CACNA2D3: variants seen among roughly 807,000 people sequenced by gnomAD.
CACNA2D3 encodes the protein voltage-dependent calcium channel subunit alpha-2/delta-3.
Under a neutral mutation model 160.6 loss-of-function variants are expected in CACNA2D3, and 60 were observed. The ratio of observed to expected loss-of-function variants is 0.37; its 90% CI spans 0.30 to 0.46. CACNA2D3 has a LOEUF of 0.46. Ranked by LOEUF, CACNA2D3 falls within the 20% of genes least tolerant of loss-of-function variation. CACNA2D3 has a pLI of 1.00. For missense variants in CACNA2D3, 1,205 were observed against 1,365.0 expected, an observed-to-expected ratio of 0.88 and a Z score of 1.85; for synonymous variants, 558 against 492.9, an observed-to-expected ratio of 1.13 and a Z score of -1.75.
At chr3:55,004,655 G>C in intron 31 of CACNA2D3, 108 bp from the exon 32 acceptor site, 1 of 715,158 alleles carries the variant, frequency 1.4e-6, no homozygotes, top group Non-Finnish European at 2.5e-6. Context: ...CATGGTGTTT[G>C]TCACCGTTGC....
intron 11 of CACNA2D3, among the ~76,000 whole-genome samples, chr3:54,744,338 G>T: frequency 6.6e-6 from 1 of 152,196 alleles, no homozygotes. Context: ...TAAGACAAGG[G>T]TTCTTAACCT....
chr3:54,491,416 A>T (rs11708855), intron 4 of CACNA2D3, among the ~76,000 whole-genome samples: 73,548 of 152,152 alleles, frequency 0.48, 18,448 homozygotes, highest in Non-Finnish European at 0.55. Flanking sequence ...AGCAGAAGCC[A>T]CCCTTGAAAA....
At chr3:54,242,386 C>A (rs567718842) in intron 2 of CACNA2D3, among the ~76,000 whole-genome samples, 1 of 152,038 alleles carries the variant, frequency 6.6e-6, no homozygotes, top group African/African-American at 2.4e-5. Context: ...GAGGTTGCGG[C>A]GAGCTGAGAT....
intron 13 of CACNA2D3, among the ~76,000 whole-genome samples, chr3:54,772,958 G>A (rs1160441956): frequency 2.0e-5 from 3 of 152,178 alleles, no homozygotes; most frequent in Admixed American, 6.5e-5. Context: ...ACAGTGACAC[G>A]CAGAAGGGAA....
chr3:54,135,243 C>T, intron 2 of CACNA2D3, among the ~76,000 whole-genome samples: 1 of 152,118 alleles, frequency 6.6e-6, no homozygotes, highest in East Asian at 1.9e-4. Flanking sequence ...GCTTTGAAGG[C>T]TACTGGGAGC....
intron 2 of CACNA2D3, among the ~76,000 whole-genome samples, chr3:54,271,992 C>T (rs1306336085): frequency 2.0e-5 from 3 of 152,168 alleles, no homozygotes; most frequent in Non-Finnish European, 4.4e-5. Context: ...GATCAGGGAG[C>T]GAGCTGTTTT....
chr3:54,417,390 A>G (rs1016587296), intron 4 of CACNA2D3, among the ~76,000 whole-genome samples: 3 of 152,184 alleles, frequency 2.0e-5, no homozygotes, highest in African/African-American at 4.8e-5. Context: ...TGTTTTACTA[A>G]TCAACTGTGT....
At chr3:54,793,458 G>A (rs981314825) in intron 13 of CACNA2D3, among the ~76,000 whole-genome samples, 4 of 152,244 alleles carry the variant, frequency 2.6e-5, no homozygotes, top group African/African-American at 9.6e-5. Context: ...GGATATATCT[G>A]TGCGAGAGGT....
intron 5 of CACNA2D3, among the ~76,000 whole-genome samples, chr3:54,541,887 T>C (rs990959599): frequency 6.6e-6 from 1 of 151,820 alleles, no homozygotes; most frequent in African/African-American, 2.4e-5. Context: ...TGGTTTTGAT[T>C]CTTGGCTGTG....
intron 11 of CACNA2D3, among the ~76,000 whole-genome samples, chr3:54,726,333 T>G (rs545975423): frequency 5.0e-4 from 76 of 152,350 alleles, no homozygotes; most frequent in Non-Finnish European, 1.0e-3. Context: ...ATGGCCATGC[T>G]GCCCAAAGTA....
intron 27 of CACNA2D3, chr3:54,918,813 C>T (rs1352818069): frequency 1.2e-6 from 2 of 1,613,024 alleles, no homozygotes; most frequent in Non-Finnish European, 1.7e-6. Context: ...AGGGCTGGTA[C>T]AGCTCATGAG....
At chr3:54,776,058 G>A (rs1249264895) in intron 13 of CACNA2D3, among the ~76,000 whole-genome samples, 1 of 152,134 alleles carries the variant, frequency 6.6e-6, no homozygotes, top group African/African-American at 2.4e-5. Context: ...AAATCAGTGT[G>A]TGTTGTGTAT....
chr3:54,515,786 C>T (rs1701540493), intron 5 of CACNA2D3, among the ~76,000 whole-genome samples: 1 of 152,166 alleles, frequency 6.6e-6, no homozygotes, highest in Admixed American at 6.5e-5. Context: ...ACATTCTGCA[C>T]TTGGGAAAAA....
intron 13 of CACNA2D3, among the ~76,000 whole-genome samples, chr3:54,808,616 G>GAA (rs1393085159): frequency 1.3e-3 from 192 of 152,254 alleles, no homozygotes; most frequent in African/African-American, 4.5e-3. Context: ...CATGGGGCTT[G>GAA]GCCTCTTACC....
intron 5 of CACNA2D3, among the ~76,000 whole-genome samples, chr3:54,529,859 G>A (rs1701780678): frequency 6.6e-6 from 1 of 152,074 alleles, no homozygotes; most frequent in Non-Finnish European, 1.5e-5. Context: ...TTCACAAGCG[G>A]CCATCAGGAA....
intron 35 of CACNA2D3, among the ~76,000 whole-genome samples, chr3:55,054,252 T>C (rs1704308576): frequency 6.6e-6 from 1 of 151,916 alleles, no homozygotes; most frequent in South Asian, 2.1e-4. Flanking sequence ...TTTACTCAAC[T>C]CTGGGATTCT....
At chr3:54,907,483 T>C (rs1270489504) in intron 27 of CACNA2D3, among the ~76,000 whole-genome samples, 3 of 152,204 alleles carry the variant, frequency 2.0e-5, no homozygotes, top group African/African-American at 7.2e-5. Context: ...TTTATGTATA[T>C]AAAGTTTTTG....
intron 2 of CACNA2D3, among the ~76,000 whole-genome samples, chr3:54,129,199 TG>T (rs1238381666): frequency 1.3e-5 from 2 of 152,250 alleles, no homozygotes; most frequent in African/African-American, 4.8e-5. Flanking sequence ...CCCAGTACTT[TG>T]GCCTGTACTT....
intron 11 of CACNA2D3, among the ~76,000 whole-genome samples, chr3:54,654,877 G>A (rs949582029): frequency 6.6e-6 from 1 of 152,168 alleles, no homozygotes; most frequent in Non-Finnish European, 1.5e-5. Flanking sequence ...GAATCCAATG[G>A]GAAGCAAACA....
Sources: gnomAD v4.1 joint callset for allele counts (sites outside exome capture counted in the v4.1 genomes callset) on GRCh38, gnomAD v4.1.1 for gene constraint, MANE v1.5 for transcripts, NCBI Gene and HGNC (gene_info 2026-07-23, HGNC 2026-07-21) for gene names.